The following RALGAPA2 variants were observed in gnomAD, a reference collection of about 807,000 sequenced individuals.
RALGAPA2 encodes the protein ral GTPase-activating protein subunit alpha-2.
In RALGAPA2, 139 loss-of-function variants were observed where a neutral mutation model predicts 230.4. The ratio of observed to expected loss-of-function variants is 0.60; its 90% CI spans 0.53 to 0.69. The LOEUF (loss-of-function observed/expected upper bound fraction) is 0.69, where lower values mean the gene tolerates loss of function less well. Ranked by LOEUF, RALGAPA2 falls within the 30% of genes least tolerant of loss-of-function variation. The pLI is 0.00. For synonymous variants in RALGAPA2, 847 were observed against 837.8 expected (o/e 1.01, Z -0.19); for missense variants, 2,163 against 2,276.0 (o/e 0.95, Z 1.01).
intron 37 of RALGAPA2, among the ~76,000 whole-genome samples, chr20:20,438,814 T>G (rs1160057103): frequency 6.6e-6 from 1 of 152,198 alleles, no homozygotes; most frequent in East Asian, 1.9e-4. Context: ...ACTAAATTCA[T>G]ATATATTTAC....
rs1393655029 is a variant in RALGAPA2 at position 20,390,187 on chromosome 20, G to T, written c.*3102C>A. 1 of 152,204 alleles carries T rather than the reference G, an allele frequency of 6.6e-6. No homozygotes were observed. The highest frequency in any genetic ancestry group is 1.5e-5 in the Non-Finnish European group (1 of 68,046). 9.4% of individuals were successfully genotyped at this position (152,204 alleles called of 1,614,324 possible). A position where few individuals can be genotyped will look rare whatever the true frequency, so the allele number is the denominator to read the frequency against. On this transcript the variant is annotated 3_prime_UTR_variant, in exon 40 of 40. Transcript: ENST00000202677. Reference sequence around the variant, plus strand: ...GGTGCCACCTGAGGAAGGTCAGGAAGACAGGATGTGCATGGCTCTGTGGAT... The same window carrying T: ...GGTGCCACCTGAGGAAGGTCAGGAATACAGGATGTGCATGGCTCTGTGGAT...
At chr20:20,478,577 C>T (rs1416340481) in intron 36 of RALGAPA2, among the ~76,000 whole-genome samples, 1 of 151,330 alleles carries the variant, frequency 6.6e-6, no homozygotes, top group Non-Finnish European at 1.5e-5. Flanking sequence ...AACATAGGAA[C>T]AGAAAACCAA....
chr20:20,475,641 T>A (rs746471179), intron 36 of RALGAPA2, among the ~76,000 whole-genome samples: 2 of 152,094 alleles, frequency 1.3e-5, no homozygotes, highest in African/African-American at 4.8e-5. Context: ...TCATAATTAA[T>A]GATGAAAGAT....
chr20:20,542,478 C>T (rs1051363170), intron 24 of RALGAPA2, among the ~76,000 whole-genome samples: 1 of 152,152 alleles, frequency 6.6e-6, no homozygotes, highest in Non-Finnish European at 1.5e-5. Flanking sequence ...AAGAACAAAG[C>T]TGGAGGCATC....
chr20:20,598,765 G>T (rs2065543224), intron 16 of RALGAPA2: 1 of 456,354 alleles, frequency 2.2e-6, no homozygotes, highest in African/African-American at 2.0e-5. Flanking sequence ...GCTTTTAGTG[G>T]CAGGCAAAGC....
chr20:20,636,764 A>G (rs1321010626), intron 8 of RALGAPA2, among the ~76,000 whole-genome samples: 3 of 152,168 alleles, frequency 2.0e-5, no homozygotes, highest in African/African-American at 7.2e-5. Flanking sequence ...TTACCACTCT[A>G]AGGGATGCTT....
chr20:20,504,876 A>G, intron 34 of RALGAPA2: 3 of 530,938 alleles, frequency 5.7e-6, no homozygotes, highest in South Asian at 8.2e-5. Flanking sequence ...ATAAATGTAT[A>G]TATGTCTGTA....
chr20:20,640,086 G>A (rs116114998), intron 6 of RALGAPA2, among the ~76,000 whole-genome samples, 186 bp from the exon 7 acceptor site: 14 of 152,278 alleles, frequency 9.2e-5, no homozygotes, highest in South Asian at 2.1e-4. Context: ...CCCACGAAGC[G>A]CCTTCTCCTG....
intron 3 of RALGAPA2, among the ~76,000 whole-genome samples, chr20:20,660,519 C>A (rs935180931): frequency 6.6e-6 from 1 of 150,852 alleles, no homozygotes; most frequent in Non-Finnish European, 1.5e-5. Flanking sequence ...AAAGTACAGG[C>A]CTGTTTTTTT....
chr20:20,465,989 C>T (rs939323581), intron 37 of RALGAPA2, among the ~76,000 whole-genome samples: 8 of 152,222 alleles, frequency 5.3e-5, no homozygotes, highest in Middle Eastern at 3.2e-3. Context: ...GTAACGTTTG[C>T]TGGGCTTTCA....
intron 38 of RALGAPA2, among the ~76,000 whole-genome samples, chr20:20,400,772 G>C (rs2059816008): frequency 6.6e-6 from 1 of 152,118 alleles, no homozygotes; most frequent in East Asian, 1.9e-4. Flanking sequence ...ACCAAAAGTG[G>C]AAACAGCCCG....
rs146744831 is a variant in RALGAPA2, at chr20:20,699,190, C to G, written c.106+13185G>C. Reference sequence around the variant, plus strand: ...CCTCTTATAAATTTCAAATATTTTTCCAGTTCATTATTTACTTTTTACTTC... The same window carrying G: ...CCTCTTATAAATTTCAAATATTTTTGCAGTTCATTATTTACTTTTTACTTC... On this transcript the variant is annotated intron_variant, in intron 1 of 39. Coordinates refer to ENST00000202677, the MANE Select transcript of RALGAPA2 (RefSeq NM_020343.4). 3.9e-5 allele frequency among the ~76,000 whole-genome samples: 6 copies of G among 152,104 alleles called. No homozygotes were observed. The East Asian group carries it at 1.2e-3, about 29-fold the overall frequency.
chr20:20,525,899 C>G (rs2063187257), intron 28 of RALGAPA2, among the ~76,000 whole-genome samples: 1 of 152,160 alleles, frequency 6.6e-6, no homozygotes, highest in Non-Finnish European at 1.5e-5. Context: ...AACAGCTGCC[C>G]CCCTCCACCC....
At chr20:20,436,922 G>T (rs1256175707) in intron 37 of RALGAPA2, among the ~76,000 whole-genome samples, 1 of 152,180 alleles carries the variant, frequency 6.6e-6, no homozygotes, top group Non-Finnish European at 1.5e-5. Flanking sequence ...ATCCGAGCCT[G>T]TGCATTGGCC....
intron 24 of RALGAPA2, among the ~76,000 whole-genome samples, chr20:20,538,658 A>T (rs188293676): frequency 6.6e-6 from 1 of 152,068 alleles, no homozygotes; most frequent in East Asian, 1.9e-4. Context: ...ATCTGGGGAG[A>T]TTACTGTTCT....
intron 31 of RALGAPA2, among the ~76,000 whole-genome samples, chr20:20,519,539 T>C (rs2062975658): frequency 6.6e-6 from 1 of 152,214 alleles, no homozygotes; most frequent in African/African-American, 2.4e-5. Context: ...CCCACCACTC[T>C]GGTGAAAGTG....
intron 35 of RALGAPA2, 116 bp downstream of exon 35, chr20:20,503,235 C>G: frequency 9.7e-7 from 1 of 1,026,622 alleles, no homozygotes. Flanking sequence ...ATCTCAGGGT[C>G]GTAGAGTTCA....
intron 27 of RALGAPA2, among the ~76,000 whole-genome samples, chr20:20,528,441 C>T (rs2063282880): frequency 6.6e-6 from 1 of 152,030 alleles, no homozygotes; most frequent in Non-Finnish European, 1.5e-5. Flanking sequence ...TGGACTTGGG[C>T]AGTGGGTGGG....
intron 16 of RALGAPA2, among the ~76,000 whole-genome samples, chr20:20,601,435 CG>C (rs1383221686): frequency 6.6e-6 from 1 of 152,200 alleles, no homozygotes; most frequent in Non-Finnish European, 1.5e-5. Context: ...TTCTCTATTT[CG>C]CACAAATATC....
Sources: allele counts gnomAD v4.1 joint callset (sites outside exome capture counted in the v4.1 genomes callset), GRCh38; gene constraint gnomAD v4.1.1; transcripts MANE v1.5; gene names NCBI Gene and HGNC (gene_info 2026-07-23, HGNC 2026-07-21).